The following MCTP1 variants were observed in gnomAD, a reference collection of about 807,000 sequenced individuals.
MCTP1 encodes the protein multiple C2 and transmembrane domain containing 1.
Under a neutral mutation model 120.6 loss-of-function variants are expected in MCTP1, and 69 were observed. The observed-to-expected ratio is 0.57, with a 90% CI of 0.47 to 0.70. The LOEUF (loss-of-function observed/expected upper bound fraction) is 0.70. MCTP1 is among the 30% of genes least tolerant of loss of function. MCTP1 has a pLI of 0.00. For missense variants in MCTP1, 1,203 were observed against 1,248.8 expected (o/e 0.96, Z 0.55); for synonymous variants, 529 against 493.1 (o/e 1.07, Z -0.96).
chr5:95,109,391 T>C (rs557042393), intron 1 of MCTP1, among the ~76,000 whole-genome samples: 1 of 152,356 alleles, frequency 6.6e-6, no homozygotes, highest in Admixed American at 6.5e-5. Context: ...ATCCTTTCTC[T>C]GAATCTAAAT....
intron 1 of MCTP1, among the ~76,000 whole-genome samples, chr5:95,127,336 G>C (rs1717864191): frequency 6.6e-6 from 1 of 152,082 alleles, no homozygotes; most frequent in South Asian, 2.1e-4. Context: ...CTCTTCAGTG[G>C]GATACTCAGG....
chr5:95,153,894 A>G (rs918727249), intron 1 of MCTP1, among the ~76,000 whole-genome samples: 1 of 152,166 alleles, frequency 6.6e-6, no homozygotes, highest in Non-Finnish European at 1.5e-5. Flanking sequence ...AGGCCTTTGA[A>G]TGATCTGTGT....
chr5:94,919,191 TTACTC>T (rs1374770258), intron 7 of MCTP1, among the ~76,000 whole-genome samples: 1 of 152,208 alleles, frequency 6.6e-6, no homozygotes, highest in African/African-American at 2.4e-5. Flanking sequence ...GTTATTCACT[TTACTC>T]TATAATAAAT....
At chr5:94,720,818 CTTAAA>C (rs937930123) in intron 19 of MCTP1, among the ~76,000 whole-genome samples, 10 of 152,266 alleles carry the variant, frequency 6.6e-5, no homozygotes, top group South Asian at 2.1e-4. Context: ...TATAAGCTAT[CTTAAA>C]TTATTTTTGG....
chr5:95,078,783 C>G (rs4869231), intron 1 of MCTP1, among the ~76,000 whole-genome samples: 137,990 of 152,116 alleles, frequency 0.91, 63,038 homozygotes, highest in Non-Finnish European at 0.97. Flanking sequence ...TCAGGAATAA[C>G]TCATTTAATT....
chr5:95,081,702 G>C, intron 1 of MCTP1: 1 of 1,283,786 alleles, frequency 7.8e-7, no homozygotes, highest in Non-Finnish European at 9.9e-7. Context: ...CACAGGATAT[G>C]ACTCAACTCT....
At chr5:95,225,031 A>C (rs943378183) in intron 1 of MCTP1, among the ~76,000 whole-genome samples, 4 of 152,252 alleles carry the variant, frequency 2.6e-5, no homozygotes, top group African/African-American at 9.6e-5. Flanking sequence ...AATATAAAGT[A>C]AAACCTAAAG....
chr5:94,765,854 A>G (rs1433113853), intron 19 of MCTP1, among the ~76,000 whole-genome samples: 4 of 152,076 alleles, frequency 2.6e-5, no homozygotes, highest in African/African-American at 9.7e-5. Flanking sequence ...ACTCAAATAA[A>G]TAAATCAGAA....
intron 1 of MCTP1, among the ~76,000 whole-genome samples, chr5:95,170,729 C>G (rs989458034): frequency 6.6e-6 from 1 of 152,134 alleles, no homozygotes; most frequent in African/African-American, 2.4e-5. Context: ...ACTGGGATTG[C>G]AACCCCTGCC....
rs369476584 is a variant in MCTP1 at position 94,954,292 on chromosome 5, A to T, written c.839-931T>A. Among the ~76,000 whole-genome samples, 89 of 150,166 alleles carry T rather than the reference A, an allele frequency of 5.9e-4. 2 individuals are homozygous for T. In the East Asian group the frequency reaches 0.012, roughly 21 times the overall value. On this transcript the variant is annotated intron_variant, in intron 2 of 22. Coordinates refer to ENST00000515393, the MANE Select transcript of MCTP1 (RefSeq NM_024717.7). ...ACAGGAGGCCATTACTCTAAGTGAA[A>T]TGACTCAGAGAAAGTAAGTAAAAAA... is the stretch of plus-strand genomic sequence containing the variant.
At chr5:95,199,669 C>T (rs1750779806) in intron 1 of MCTP1, among the ~76,000 whole-genome samples, 1 of 151,986 alleles carries the variant, frequency 6.6e-6, no homozygotes, top group Non-Finnish European at 1.5e-5. Flanking sequence ...ACCAGCCTGG[C>T]CAACATGGTG....
intron 19 of MCTP1, among the ~76,000 whole-genome samples, chr5:94,758,996 G>A (rs1445439291): frequency 6.6e-6 from 1 of 152,102 alleles, no homozygotes; most frequent in African/African-American, 2.4e-5. Flanking sequence ...GAAAACCTAT[G>A]CTTGATACTT....
At chr5:95,116,594 G>A (rs1033281639) in intron 1 of MCTP1, among the ~76,000 whole-genome samples, 1 of 151,688 alleles carries the variant, frequency 6.6e-6, no homozygotes, top group Non-Finnish European at 1.5e-5. Context: ...TAGTTTAATG[G>A]GAATAGCATA....
chr5:94,758,671 G>T (rs1770545341), intron 19 of MCTP1, among the ~76,000 whole-genome samples: 3 of 152,110 alleles, frequency 2.0e-5, no homozygotes, highest in Admixed American at 2.0e-4. Flanking sequence ...GAATAAATAA[G>T]AAATTTTAAT....
chr5:94,934,771 A>T (rs1365506294), intron 5 of MCTP1, among the ~76,000 whole-genome samples: 1 of 146,164 alleles, frequency 6.8e-6, no homozygotes, highest in South Asian at 2.3e-4. Flanking sequence ...TCAAAGGCCA[A>T]CTGAGATCAT....
chr5:95,156,781 T>C (rs1411852413), intron 1 of MCTP1, among the ~76,000 whole-genome samples: 3 of 152,214 alleles, frequency 2.0e-5, no homozygotes, highest in Non-Finnish European at 4.4e-5. Flanking sequence ...GTACAAAACA[T>C]AGAAGTTTTT....
At chr5:94,817,872 CT>C (rs1267476291) in intron 17 of MCTP1, among the ~76,000 whole-genome samples, 1 of 152,068 alleles carries the variant, frequency 6.6e-6, no homozygotes, top group Admixed American at 6.6e-5. Flanking sequence ...TCTGATTTTC[CT>C]TGGGGAAACC....
At chr5:95,147,712 T>C (rs553466969) in intron 1 of MCTP1, among the ~76,000 whole-genome samples, 17 of 152,330 alleles carry the variant, frequency 1.1e-4, no homozygotes, top group Middle Eastern at 6.8e-3. Flanking sequence ...ATGGTTAGTA[T>C]TGACATGTAA....
chr5:95,055,557 C>T (rs757850013), intron 1 of MCTP1, among the ~76,000 whole-genome samples: 15 of 152,170 alleles, frequency 9.9e-5, no homozygotes, highest in Non-Finnish European at 1.9e-4. Flanking sequence ...TCCAAGCCCA[C>T]GTAATTAGTA....
Sources: allele counts gnomAD v4.1 joint callset (sites outside exome capture counted in the v4.1 genomes callset), GRCh38; gene constraint gnomAD v4.1.1; transcripts MANE v1.5; gene names NCBI Gene and HGNC (gene_info 2026-07-23, HGNC 2026-07-21).